The following SLIT1 variants were observed in gnomAD, a reference collection of about 807,000 sequenced individuals.
SLIT1 encodes slit homolog 1 protein.
Under a neutral mutation model 186.1 loss-of-function variants are expected in SLIT1, and 66 were observed. The ratio of observed to expected loss-of-function variants is 0.35; its 90% CI spans 0.29 to 0.44. The LOEUF (loss-of-function observed/expected upper bound fraction) is 0.44, where lower values mean the gene tolerates loss of function less well. Among genes scored for constraint, SLIT1 ranks in the 20% least tolerant of loss-of-function variants. The pLI, the probability that SLIT1 is intolerant of heterozygous loss-of-function variation, is 1.00. For missense variants in SLIT1, 1,638 were observed against 2,037.4 expected (o/e 0.80, Z 3.77); for synonymous variants, 761 against 833.8 (o/e 0.91, Z 1.50).
intron 4 of SLIT1, among the ~76,000 whole-genome samples, chr10:97,130,934 T>C (rs1413137372): frequency 6.6e-6 from 1 of 152,166 alleles, no homozygotes; most frequent in Non-Finnish European, 1.5e-5. Context: ...ACATGCTCTG[T>C]GATCTGGACC....
chr10:97,018,710 C>G lies in SLIT1; in HGVS notation c.2872-27G>C, dbSNP rs202241935. On this transcript the variant is annotated intron_variant, in intron 27 of 36. Coordinates refer to ENST00000266058, the MANE Select transcript of SLIT1 (RefSeq NM_003061.3). The stretch of plus-strand genomic sequence containing the variant: ...TGGGGGGAAAGTCAGTGATGGGGAC[C>G]CCAGGGAGACCCAGGAGTTAGTATG... The G allele has an allele frequency of 3.6e-4, 516 of 1,441,374 alleles. 2 individuals are homozygous for G. The Middle Eastern group carries it at 3.6e-3, about 10-fold the overall frequency. The allele number at this position is 1,441,374 out of a possible 1,614,324, so 89.3% of individuals were successfully genotyped here.
At chr10:97,002,591 C>G in intron 35 of SLIT1, 113 bp downstream of exon 35, 2 of 1,065,346 alleles carry the variant, frequency 1.9e-6, no homozygotes, top group East Asian at 2.6e-5. Flanking sequence ...AGTAATAAAA[C>G]CCTGGCTTAG....
intron 4 of SLIT1, among the ~76,000 whole-genome samples, chr10:97,108,586 G>T (rs752614980): frequency 9.2e-5 from 14 of 152,268 alleles, no homozygotes; most frequent in Admixed American, 2.0e-4. Context: ...CATGGCATCG[G>T]CTGGTGGTTA....
intron 4 of SLIT1, among the ~76,000 whole-genome samples, chr10:97,101,784 G>A (rs983342043): frequency 4.6e-5 from 7 of 152,236 alleles, no homozygotes; most frequent in Non-Finnish European, 1.0e-4. Flanking sequence ...ATATGAGTTT[G>A]CATGTCTGGT....
intron 1 of SLIT1, among the ~76,000 whole-genome samples, chr10:97,172,464 A>G (rs1019323607): frequency 6.6e-6 from 1 of 152,194 alleles, no homozygotes; most frequent in Non-Finnish European, 1.5e-5. Context: ...CCAGGGTGCA[A>G]CACAGAACAT....
intron 26 of SLIT1, among the ~76,000 whole-genome samples, chr10:97,019,447 G>A (rs958931824): frequency 6.6e-6 from 1 of 152,166 alleles, no homozygotes; most frequent in East Asian, 1.9e-4. Flanking sequence ...TGCTACCACC[G>A]AAGTTGGCCA....
chr10:97,047,623 G>T, intron 16 of SLIT1, 67 bp downstream of exon 16: 2 of 1,495,716 alleles, frequency 1.3e-6, no homozygotes, highest in Non-Finnish European at 1.8e-6. Context: ...GAAAATCCTG[G>T]AGTAGGCCAA....
intron 4 of SLIT1, among the ~76,000 whole-genome samples, chr10:97,141,771 C>T (rs113758464): frequency 0.19 from 27,983 of 144,338 alleles, 3,582 homozygotes; most frequent in African/African-American, 0.36. Context: ...CGTATTGTAT[C>T]GTACTGTATT....
At chr10:97,014,781 G>A (rs971047690) in intron 28 of SLIT1, among the ~76,000 whole-genome samples, 3 of 151,820 alleles carry the variant, frequency 2.0e-5, no homozygotes, top group East Asian at 1.9e-4. Context: ...CAGGAGAATC[G>A]CTTGAACCTG....
At chr10:97,018,246 C>T (rs866718900) in intron 28 of SLIT1, among the ~76,000 whole-genome samples, 6 of 152,144 alleles carry the variant, frequency 3.9e-5, no homozygotes, top group African/African-American at 1.4e-4. Flanking sequence ...TCAAAAAGGC[C>T]CCCATGGCAC....
At chr10:97,129,801 T>C (rs570502713) in intron 4 of SLIT1, among the ~76,000 whole-genome samples, 3 of 152,216 alleles carry the variant, frequency 2.0e-5, no homozygotes, top group African/African-American at 7.2e-5. Context: ...GTGAAAACAA[T>C]GTGGACACAG....
chr10:97,087,729 G>A (rs1027828905), intron 4 of SLIT1, among the ~76,000 whole-genome samples: 3 of 152,076 alleles, frequency 2.0e-5, no homozygotes, highest in Non-Finnish European at 4.4e-5. Flanking sequence ...TCCAGCCTGG[G>A]GAGCCCGAGG....
intron 18 of SLIT1, among the ~76,000 whole-genome samples, chr10:97,045,850 A>G (rs1359753958): frequency 6.6e-6 from 1 of 152,256 alleles, no homozygotes; most frequent in Non-Finnish European, 1.5e-5. Context: ...TTTGGGACTT[A>G]TACCTGGGCA....
At chr10:97,171,766 G>C (rs3000211) in intron 1 of SLIT1, among the ~76,000 whole-genome samples, 150,137 of 151,728 alleles carry the variant, frequency 0.99, 74,311 homozygotes, top group East Asian at 1. Context: ...TTGCAGTGAG[G>C]TGAGATCGTG....
intron 12 of SLIT1, 39 bp downstream of exon 12, chr10:97,057,171 C>T: frequency 6.4e-7 from 1 of 1,551,612 alleles, no homozygotes; most frequent in Non-Finnish European, 8.9e-7. Context: ...GCTGGCCCTT[C>T]CCTGGGTCCC....
chr10:97,083,336 G>A (rs1327969348), intron 4 of SLIT1, among the ~76,000 whole-genome samples: 1 of 152,168 alleles, frequency 6.6e-6, no homozygotes, highest in Non-Finnish European at 1.5e-5. Flanking sequence ...GAACCCACAA[G>A]CTAACCCATT....
intron 13 of SLIT1, among the ~76,000 whole-genome samples, chr10:97,050,502 G>A (rs1343803446): frequency 1.3e-5 from 2 of 152,200 alleles, no homozygotes; most frequent in Non-Finnish European, 1.5e-5. Flanking sequence ...AGCTCCACCA[G>A]GTGGACCAGG....
Position 97,047,008 on chromosome 10 carries a change from A to C in SLIT1, c.1692T>G (p.Leu564=). 6.2e-7 allele frequency: 1 copy of C among 1,611,708 alleles called. No individual in the cohort carries two copies. Among genetic ancestry groups the C allele is most frequent in the Non-Finnish European group, 8.5e-7 (1 of 1,177,802 alleles). The stretch of plus-strand genomic sequence containing the variant: ...TAACTCACATTTTCTTCAGATGTGT[A>C]AGTTTTTTAAACATCCCAGTGGCCT... ...ILEATGMFKK[L]THLKKINLSN... Residue 564 remains leucine, a synonymous_variant, in exon 17 of 37, where the codon CTT becomes CTG. Transcript: ENST00000266058.
intron 4 of SLIT1, among the ~76,000 whole-genome samples, chr10:97,119,913 G>GTATATA (rs55656011): frequency 0.037 from 2,067 of 56,414 alleles, 182 homozygotes; most frequent in Middle Eastern, 0.069. Flanking sequence ...TTCCAAAGGG[G>GTATATA]TATATATATA....
Sources: allele counts gnomAD v4.1 joint callset (sites outside exome capture counted in the v4.1 genomes callset), GRCh38; gene constraint gnomAD v4.1.1; transcripts MANE v1.5; gene names NCBI Gene and HGNC (gene_info 2026-07-23, HGNC 2026-07-21).